CLN6: variants seen among roughly 807,000 people sequenced by gnomAD.
CLN6 encodes the protein ceroid-lipofuscinosis neuronal protein 6.
In CLN6, 22 loss-of-function variants were observed where a neutral mutation model predicts 33.3. That is an observed-to-expected ratio of 0.66 (90% CI 0.47 to 0.94). The LOEUF (loss-of-function observed/expected upper bound fraction) is 0.94, where lower values mean the gene tolerates loss of function less well. CLN6 is among the 40% of genes least tolerant of loss of function. The pLI, the probability that CLN6 is intolerant of heterozygous loss-of-function variation, is 0.00. For synonymous variants in CLN6, 201 were observed against 174.6 expected, an observed-to-expected ratio of 1.15 and a Z score of -1.19; for missense variants, 387 against 417.1, an observed-to-expected ratio of 0.93 and a Z score of 0.63.
At chr15:68,223,422 C>T (rs1413262182) in intron 1 of CLN6, among the ~76,000 whole-genome samples, 1 of 152,144 alleles carries the variant, frequency 6.6e-6, no homozygotes, top group Non-Finnish European at 1.5e-5. Context: ...AGAGGCCCCA[C>T]CCAGCTCCTT....
At position 68,241,165 on chromosome 15, in the gene CLN6, C is replaced by T. The variant is rs994256855; in HGVS notation, c.179+15525G>A. Among the ~76,000 whole-genome samples the T allele has an allele frequency of 1.3e-5, 2 of 152,092 alleles. No homozygotes were observed. Among genetic ancestry groups the T allele is most frequent in the Non-Finnish European group, 2.9e-5 (2 of 68,010 alleles). ...GGGAAACATTTCTAAAAACATATAA[C>T]TTATCAAAGCTGCATCAAGAAAGCC... is the stretch of plus-strand genomic sequence containing the variant. On this transcript the variant is annotated intron_variant, in intron 1 of 6. Coordinates refer to the CLN6 transcript ENST00000538696. The surrounding 1 kb of genome is among the most constrained non-coding windows in gnomAD (Gnocchi z 4.2).
At chr15:68,218,710 C>T in intron 1 of CLN6, 60 bp from the exon 2 acceptor site, 1 of 1,289,104 alleles carries the variant, frequency 7.8e-7, no homozygotes, top group South Asian at 1.2e-5. Context: ...AAAATCTTCC[C>T]CTGAGATTAG....
chr15:68,226,667 A>G (rs1266401526), intron 1 of CLN6, among the ~76,000 whole-genome samples: 1 of 152,026 alleles, frequency 6.6e-6, no homozygotes, highest in East Asian at 1.9e-4. Flanking sequence ...GGGTTTCTCC[A>G]TGTTGGTCAG....
chr15:68,245,032 CAAAAAAA>C (rs34008952), intron 1 of CLN6, among the ~76,000 whole-genome samples: 3 of 101,136 alleles, frequency 3.0e-5, no homozygotes, highest in East Asian at 8.2e-4. Context: ...AAGACTCTGA[CAAAAAAA>C]AAAAAAAAAA....
intron 1 of CLN6, among the ~76,000 whole-genome samples, chr15:68,225,403 T>C (rs1428980980): frequency 6.6e-6 from 1 of 152,190 alleles, no homozygotes; most frequent in Non-Finnish European, 1.5e-5. Flanking sequence ...ATAGTCTACT[T>C]TGATAACATG....
intron 1 of CLN6, among the ~76,000 whole-genome samples, chr15:68,221,231 A>ACCCCCCCCCCCCCCCCCC (rs1595822598): frequency 1.7e-5 from 2 of 116,236 alleles, no homozygotes; most frequent in Admixed American, 9.2e-5. Flanking sequence ...CCCTCCCCCA[A>ACCCCCCCCCCCCCCCCCC]CCCTCCCCCT....
In CLN6 at chr15:68,236,912, CT is replaced by C. The variant is rs1484514678; in HGVS notation, c.180-18263del. On this transcript the variant is annotated intron_variant, in intron 1 of 6. Coordinates refer to the CLN6 transcript ENST00000538696. The surrounding 1 kb of genome is among the most constrained non-coding windows in gnomAD (Gnocchi z 4.5). ...GTGGCTCACGCCTGTAATCCCAGCA[CT>C]TTGGGAGGCCGAGGCGGGTGGATCA... 2.6e-5 allele frequency among the ~76,000 whole-genome samples: 4 copies of C among 151,158 alleles called. No individual in the cohort carries two copies. In the East Asian group the frequency reaches 7.8e-4, roughly 29 times the overall value.
chr15:68,229,368 C>A, intron 1 of CLN6, 134 bp downstream of exon 1: 2 of 607,610 alleles, frequency 3.3e-6, no homozygotes, highest in Admixed American at 9.1e-5. Context: ...TCCAAGCCCC[C>A]CGCGCTCCGC....
chr15:68,238,598 C>T (rs559494989), intron 1 of CLN6, among the ~76,000 whole-genome samples: 2 of 151,886 alleles, frequency 1.3e-5, no homozygotes, highest in South Asian at 4.2e-4. Context: ...GAAAGTTAAC[C>T]CAGAATTGTG....
intron 1 of CLN6, among the ~76,000 whole-genome samples, chr15:68,224,725 C>G (rs2141151697): frequency 6.6e-6 from 1 of 152,296 alleles, no homozygotes; most frequent in South Asian, 2.1e-4. Flanking sequence ...ATCCTCTCCC[C>G]CAGCTCATGT....
rs1283802046 is a variant in CLN6 at position 68,256,909 on chromosome 15, G to A, written c.-41C>T. Reference sequence around the variant, plus strand: ...GGTCCTGGGCGCGGCTCTGGGGAGGGTCAGGGTGCGCGTCCCACCGCGTCG... The same window carrying A: ...GGTCCTGGGCGCGGCTCTGGGGAGGATCAGGGTGCGCGTCCCACCGCGTCG... On this transcript the variant is annotated 5_prime_UTR_variant, in exon 1 of 7. Coordinates refer to the CLN6 transcript ENST00000538696. This position sits in a 1 kb window ranked among gnomAD's most constrained non-coding sequence, Gnocchi z 4.1. The A allele has an allele frequency of 1.6e-6, 1 of 645,076 alleles. No individual in the cohort carries two copies. Among genetic ancestry groups the A allele is most frequent in the South Asian group, 1.6e-5 (1 of 61,144 alleles). 40.0% of individuals were successfully genotyped at this position (645,076 alleles called of 1,614,324 possible). A position where few individuals can be genotyped will look rare whatever the true frequency, so the allele number is the denominator to read the frequency against.
At chr15:68,214,255 G>A (rs371130165) in intron 3 of CLN6, 35 bp downstream of exon 3, 1 of 1,476,924 alleles carries the variant, frequency 6.8e-7, no homozygotes, top group African/African-American at 1.4e-5. Context: ...AAAGAATGGG[G>A]ATGACAGGAG....
upstream of CLN6, chr15:68,229,757 A>AGCGGG (rs2093263952): frequency 9.5e-5 from 9 of 94,952 alleles, no homozygotes; most frequent in Admixed American, 6.1e-4. Context: ...GGCGGGGCGG[A>AGCGGG]GCGGAGCGGA....
chr15:68,208,094 G>GCCCCCCCCCC lies in CLN6; in HGVS notation c.*45_*46insGGGGGGGGGG. 12 of 1,375,274 alleles carry GCCCCCCCCCC rather than the reference G, an allele frequency of 8.7e-6. No individual in the cohort carries two copies. Among genetic ancestry groups the GCCCCCCCCCC allele is most frequent in the East Asian group, 2.5e-5 (1 of 39,906 alleles). The allele number at this position is 1,375,274 out of a possible 1,614,324, so 85.2% of individuals were successfully genotyped here. ...CTCCTGTATTCAGATGCCCTCCATG[G>GCCCCCCCCCC]CCCACCCTCCCACCCAGCAGAGCGC... On this transcript the variant is annotated 3_prime_UTR_variant, in exon 7 of 7. Transcript: ENST00000249806. The surrounding 1 kb of genome is among the most constrained non-coding windows in gnomAD (Gnocchi z 5.8).
intron 2 of CLN6, chr15:68,215,277 CTCTCTCTT>C (rs2093217532): frequency 6.6e-6 from 1 of 152,038 alleles, no homozygotes; most frequent in Admixed American, 6.5e-5. Flanking sequence ...GTCTCTCTCT[CTCTCTCTT>C]ACTCAGTGTG....
chr15:68,252,374 A>G (rs1892390103), intron 1 of CLN6, among the ~76,000 whole-genome samples: 1 of 152,228 alleles, frequency 6.6e-6, no homozygotes, highest in South Asian at 2.1e-4. Flanking sequence ...ATTACCAACA[A>G]ACATGAAAAG....
At chr15:68,244,830 G>C (rs1208700361) in intron 1 of CLN6, among the ~76,000 whole-genome samples, 1 of 152,024 alleles carries the variant, frequency 6.6e-6, no homozygotes, top group African/African-American at 2.4e-5. Context: ...AAGGTGGGTG[G>C]ATCACTTGAG....
intron 1 of CLN6, among the ~76,000 whole-genome samples, chr15:68,253,920 T>G (rs1390427696): frequency 6.7e-6 from 1 of 149,690 alleles, no homozygotes; most frequent in African/African-American, 2.5e-5. Context: ...CAGGCTGGAG[T>G]GCAGTGGCGC....
At position 68,208,086 on chromosome 15, in the gene CLN6, C is replaced by A; in HGVS notation, c.*54G>T. On this transcript the variant is annotated 3_prime_UTR_variant, in exon 7 of 7. Transcript: ENST00000249806. This position sits in a 1 kb window ranked among gnomAD's most constrained non-coding sequence, Gnocchi z 5.8. Reference sequence around the variant, plus strand: ...CCCCCCTACTCCTGTATTCAGATGCCCTCCATGGCCCACCCTCCCACCCAG... The same window carrying A: ...CCCCCCTACTCCTGTATTCAGATGCACTCCATGGCCCACCCTCCCACCCAG... The A allele has an allele frequency of 6.5e-7, 1 of 1,537,194 alleles. No homozygotes were observed. The highest frequency in any genetic ancestry group is 8.8e-7 in the Non-Finnish European group (1 of 1,135,206).
Sources: allele counts gnomAD v4.1 joint callset (sites outside exome capture counted in the v4.1 genomes callset), GRCh38; gene constraint gnomAD v4.1.1; non-coding constraint Gnocchi (gnomAD v3.1); transcripts MANE v1.5; gene names NCBI Gene and HGNC (gene_info 2026-07-23, HGNC 2026-07-21).